Variants in CDK12 observed in about 807,000 individuals in gnomAD.
The protein encoded by CDK12 is cyclin dependent kinase 12.
Under a neutral mutation model 133.8 loss-of-function variants are expected in CDK12, and 17 were observed. That is an observed-to-expected ratio of 0.13 (90% CI 0.09 to 0.19). The LOEUF (loss-of-function observed/expected upper bound fraction) is 0.19, where lower values mean the gene tolerates loss of function less well. Ranked by LOEUF, CDK12 falls within the 10% of genes least tolerant of loss-of-function variation. The pLI, the probability that CDK12 is intolerant of heterozygous loss-of-function variation, is 1.00. For missense variants in CDK12, 1,508 were observed against 1,818.7 expected (o/e 0.83, Z 3.11); for synonymous variants, 694 against 683.6 (o/e 1.02, Z -0.24).
At chr17:39,539,147 A>C (rs551801892), downstream of CDK12, among the ~76,000 whole-genome samples, 1 of 152,250 alleles carries the variant, frequency 6.6e-6, no homozygotes, top group East Asian at 1.9e-4. Context: ...GACCTTCCAA[A>C]ACATGTTGAT....
chr17:39,486,259 T>C (rs1333940758), intron 2 of CDK12, among the ~76,000 whole-genome samples: 28 of 147,884 alleles, frequency 1.9e-4, no homozygotes, highest in Non-Finnish European at 3.7e-4. Flanking sequence ...GCCTCTTTTT[T>C]TTTTTTTTTT....
chr17:39,494,315 C>T (rs1428273073), intron 4 of CDK12, among the ~76,000 whole-genome samples: 1 of 152,110 alleles, frequency 6.6e-6, no homozygotes, highest in East Asian at 1.9e-4. Context: ...TCAGGTGATC[C>T]GCAGGCCTTG....
Position 39,533,571 on chromosome 17 carries a change from CAAT to C in CDK12, c.*2259_*2261del, listed in dbSNP as rs2054989936. The C allele has an allele frequency of 4.3e-6, 1 of 233,024 alleles. No homozygotes were observed. Among genetic ancestry groups the C allele is most frequent in the Non-Finnish European group, 8.5e-6 (1 of 117,926 alleles). The allele number at this position is 233,024 out of a possible 1,614,324, so 14.4% of individuals were successfully genotyped here. On this transcript the variant is annotated 3_prime_UTR_variant, in exon 14 of 14. Coordinates refer to ENST00000447079, the MANE Select transcript of CDK12 (RefSeq NM_016507.4). Reference sequence around the variant, plus strand: ...TTGTATTTTGGTTATCAGCAGTCATCAATAATGTTTTTCCCTCCCCTCTCCCAC... The same window carrying C: ...TTGTATTTTGGTTATCAGCAGTCATCAATGTTTTTCCCTCCCCTCTCCCAC...
chr17:39,489,568 G>A (rs1454182457), intron 2 of CDK12, among the ~76,000 whole-genome samples: 6 of 148,012 alleles, frequency 4.1e-5, no homozygotes, highest in Non-Finnish European at 8.9e-5. Flanking sequence ...GCAGTGGCAC[G>A]ATCTTGGCTC....
intron 2 of CDK12, among the ~76,000 whole-genome samples, chr17:39,484,396 A>G (rs1294387665): frequency 6.6e-6 from 1 of 152,164 alleles, no homozygotes; most frequent in African/African-American, 2.4e-5. Flanking sequence ...CTTTTCAAGT[A>G]ATGACTGTGA....
At position 39,461,533 on chromosome 17, in the gene CDK12, G is replaced by A; in HGVS notation, c.-539G>A. 4.1e-6 allele frequency: 1 copy of A among 243,798 alleles called. No individual in the cohort carries two copies. The highest frequency in any genetic ancestry group is 8.1e-6 in the Non-Finnish European group (1 of 123,048). 15.1% of individuals were successfully genotyped at this position (243,798 alleles called of 1,614,324 possible). ...AGTGTGTGACTGGGTCTGTGTGAGGGAGAGAGTGTGTGTGGTGTGGAGGTG... is the reference window on the plus strand; with the variant it reads ...AGTGTGTGACTGGGTCTGTGTGAGGAAGAGAGTGTGTGTGGTGTGGAGGTG... On this transcript the variant is annotated 5_prime_UTR_variant, in exon 1 of 14. Transcript: ENST00000447079.
chr17:39,479,564 T>C (rs2050474893), intron 2 of CDK12, among the ~76,000 whole-genome samples: 1 of 152,110 alleles, frequency 6.6e-6, no homozygotes, highest in Admixed American at 6.6e-5. Flanking sequence ...GAAGTCAGTG[T>C]GCACATAAAG....
chr17:39,496,942 T>A (rs571206038), intron 5 of CDK12, among the ~76,000 whole-genome samples: 325 of 92,724 alleles, frequency 3.5e-3, no homozygotes, highest in Middle Eastern at 5.8e-3. Flanking sequence ...TTTTTTTTTT[T>A]AATTTTGAGA....
In CDK12 at chr17:39,511,590, G is replaced by C. The variant is rs1313803732; in HGVS notation, c.2728G>C (p.Glu910Gln). ...WYRPPELLLG[E>Q]ERYTPAIDVW... is the part of the protein sequence containing the mutation. ...CCGACCTCCAGAACTACTGCTAGGA[G>C]AGGAACGTTACACACCAGCCATAGA... is the stretch of plus-strand genomic sequence containing the variant. Residue 910 changes from glutamate to glutamine, a missense_variant, in exon 8 of 14, where the codon GAG becomes CAG. Around this residue, in one of 9 missense-constraint regions of CDK12, gnomAD observed 82 missense variants for 201.5 expected, o/e 0.41. Coordinates refer to ENST00000447079, the MANE Select transcript of CDK12 (RefSeq NM_016507.4). The C allele has an allele frequency of 5.6e-6, 9 of 1,613,240 alleles. No homozygotes were observed. The highest frequency in any genetic ancestry group is 7.6e-6 in the Non-Finnish European group (9 of 1,179,412).
Position 39,511,087 on chromosome 17 carries a change from C to T in CDK12, c.2667-442C>T, listed in dbSNP as rs557210631. The stretch of plus-strand genomic sequence containing the variant: ...AAAATTAGTGGAGTGTGGTGGCGGG[C>T]GCCTGTAGTCCCAGCTACTTGGGAG... On this transcript the variant is annotated intron_variant, in intron 7 of 13. Coordinates refer to ENST00000447079, the MANE Select transcript of CDK12 (RefSeq NM_016507.4). Among the ~76,000 whole-genome samples the T allele has an allele frequency of 8.0e-5, 12 of 150,214 alleles. No individual in the cohort carries two copies. The South Asian group carries it at 2.3e-3, about 29-fold the overall frequency.
At chr17:39,498,926 T>C (rs1299146982) in intron 5 of CDK12, among the ~76,000 whole-genome samples, 3 of 4 alleles carry the variant, frequency 0.75, 1 homozygote, top group African/African-American at 0.5. Flanking sequence ...TTTCTTTCTT[T>C]CTTTCTTTCT....
chr17:39,528,050 G>C (rs1291434393), intron 13 of CDK12, among the ~76,000 whole-genome samples: 1 of 151,730 alleles, frequency 6.6e-6, no homozygotes, highest in Non-Finnish European at 1.5e-5. Flanking sequence ...CAAGTAGCTG[G>C]GATTACAGGC....
intron 5 of CDK12, among the ~76,000 whole-genome samples, chr17:39,495,147 C>T (rs1268927398): frequency 3.3e-5 from 5 of 152,052 alleles, no homozygotes; most frequent in East Asian, 1.9e-4. Context: ...CCTGTGATGT[C>T]GGCTCACTGC....
At chr17:39,489,290 G>A (rs539033177) in intron 2 of CDK12, among the ~76,000 whole-genome samples, 2 of 151,878 alleles carry the variant, frequency 1.3e-5, no homozygotes, top group East Asian at 3.9e-4. Flanking sequence ...GGCTGGTCTC[G>A]AACTCCTGAG....
In CDK12 at chr17:39,491,006, A is replaced by G. The variant is rs553243838; in HGVS notation, c.2108+273A>G. ...TTATCTCATTATGTCTTTTTTATTC[A>G]TAATATTTAGAGTACTAAGGAAGAA... is the stretch of plus-strand genomic sequence containing the variant. On this transcript the variant is annotated intron_variant, in intron 3 of 13. Transcript: ENST00000447079. Among the ~76,000 whole-genome samples, 424 of 151,956 alleles carry G rather than the reference A, an allele frequency of 2.8e-3. 2 individuals are homozygous for G. Among genetic ancestry groups the G allele is most frequent in the African/African-American group, 9.8e-3 (405 of 41,292 alleles).
rs74445237 is a variant in CDK12, at chr17:39,480,046, C to A, written c.1931+8283C>A. Among the ~76,000 whole-genome samples the A allele has an allele frequency of 2.4e-4, 37 of 151,740 alleles. No individual in the cohort carries two copies. The East Asian group carries it at 7.2e-3, about 30-fold the overall frequency. ...TCAAGCGATTTTCCTGCCTCAGCTG[C>A]CTGAGTAGCTGGGATTATAGGCCCC... On this transcript the variant is annotated intron_variant, in intron 2 of 13. Transcript: ENST00000447079.
chr17:39,479,888 A>G (rs1275384737), intron 2 of CDK12, among the ~76,000 whole-genome samples: 2 of 149,038 alleles, frequency 1.3e-5, no homozygotes, highest in East Asian at 2.0e-4. Context: ...TGGCCTCCCA[A>G]AGTCCTGGGA....
intron 6 of CDK12, among the ~76,000 whole-genome samples, chr17:39,503,076 C>T (rs912894941): frequency 3.9e-5 from 6 of 152,066 alleles, no homozygotes; most frequent in African/African-American, 1.4e-4. Context: ...AAGACTCCAT[C>T]TCAAAAAAAG....
chr17:39,536,670 A>G (rs1033934655), downstream of CDK12, among the ~76,000 whole-genome samples: 1 of 152,212 alleles, frequency 6.6e-6, no homozygotes. Flanking sequence ...GAGAAAGCAG[A>G]TAAGAGTTGC....
Sources: gnomAD v4.1 joint callset for allele counts (sites outside exome capture counted in the v4.1 genomes callset) on GRCh38, gnomAD v4.1.1 for gene constraint, gnomAD v4.1.1 regional missense constraint, MANE v1.5 for transcripts, NCBI Gene and HGNC (gene_info 2026-07-23, HGNC 2026-07-21) for gene names.